Variants in UFD1 observed in about 807,000 individuals in gnomAD.
UFD1 encodes the protein ubiquitin recognition factor in ER associated degradation 1, also known as ubiquitin recognition factor in ER-associated degradation protein 1.
UFD1 carries 13 observed loss-of-function variants against 45.9 expected under a neutral mutation model. The ratio of observed to expected loss-of-function variants is 0.28; its 90% CI spans 0.18 to 0.45. UFD1 has a LOEUF of 0.45. Among genes scored for constraint, UFD1 ranks in the 20% least tolerant of loss-of-function variants. The pLI is 1.00. For missense variants in UFD1, 218 were observed against 389.2 expected (o/e 0.56, Z 3.70); for synonymous variants, 128 against 139.2 (o/e 0.92, Z 0.56).
chr22:19,457,250 C>T (rs2089729997), intron 7 of UFD1, among the ~76,000 whole-genome samples: 1 of 152,156 alleles, frequency 6.6e-6, no homozygotes, highest in South Asian at 2.1e-4. Context: ...AGAACAGTTT[C>T]ACCACCACTA....
At chr22:19,467,797 T>A in intron 5 of UFD1, 76 bp downstream of exon 5, 1 of 1,579,188 alleles carries the variant, frequency 6.3e-7, no homozygotes, top group Non-Finnish European at 8.6e-7. Flanking sequence ...ACAGATTCAA[T>A]ACAGTACATG....
chr22:19,465,228 C>T lies in UFD1; in HGVS notation c.469G>A (p.Val157Met). Residue 157 changes from valine to methionine, a missense_variant, in exon 6 of 12, where the codon GTG (valine) becomes ATG (methionine). This residue lies in a region of UFD1 where 149 missense variants were observed against 307.5 expected (regional missense o/e 0.48). Transcript: ENST00000263202. ...RNFACLTTGD[V>M]IAINYNEKIY... is the part of the protein sequence containing the mutation. Reference sequence around the variant, plus strand: ...TTTTCATTATAGTTGATGGCAATCACATCCCCGGTGGTCAGACAGGCAAAG... The same window carrying T: ...TTTTCATTATAGTTGATGGCAATCATATCCCCGGTGGTCAGACAGGCAAAG... 6.2e-7 allele frequency: 1 copy of T among 1,614,204 alleles called. No homozygotes were observed. The highest frequency in any genetic ancestry group is 8.5e-7 in the Non-Finnish European group (1 of 1,180,042).
At chr22:19,471,946 G>A in intron 3 of UFD1, 138 bp from the exon 4 acceptor site, 1 of 1,240,626 alleles carries the variant, frequency 8.1e-7, no homozygotes, top group Non-Finnish European at 1.1e-6. Context: ...CCCCCTCTGT[G>A]AGAGCACAGT....
intron 7 of UFD1, among the ~76,000 whole-genome samples, chr22:19,457,172 C>G: frequency 6.6e-6 from 1 of 152,246 alleles, no homozygotes; most frequent in African/African-American, 2.4e-5. Flanking sequence ...TGTTTTTGTT[C>G]ATGGGTATCT....
intron 7 of UFD1, among the ~76,000 whole-genome samples, chr22:19,457,748 T>C (rs1042302604): frequency 6.6e-6 from 1 of 151,568 alleles, no homozygotes; most frequent in Non-Finnish European, 1.5e-5. Flanking sequence ...GAGGTGGAGG[T>C]TGTAGTGAGC....
chr22:19,456,814 T>C, intron 8 of UFD1, 39 bp downstream of exon 8: 1 of 1,613,854 alleles, frequency 6.2e-7, no homozygotes, highest in South Asian at 1.1e-5. Flanking sequence ...AAAAGCAGCA[T>C]GCAGCAGGAC....
At chr22:19,475,676 A>C (rs1035152705) in intron 1 of UFD1, 74 bp from the exon 2 acceptor site, 1 of 1,513,962 alleles carries the variant, frequency 6.6e-7, no homozygotes, top group African/African-American at 1.4e-5. Context: ...AACATGTCAG[A>C]GTAATTAATG....
chr22:19,467,781 G>A, intron 5 of UFD1, 92 bp downstream of exon 5: 4 of 1,534,756 alleles, frequency 2.6e-6, no homozygotes, highest in Non-Finnish European at 3.5e-6. Context: ...GATCCCCAAA[G>A]CAGGCACAGA....
intron 1 of UFD1, 160 bp downstream of exon 1, chr22:19,478,923 G>A (rs1207156400): frequency 2.0e-6 from 2 of 981,066 alleles, no homozygotes; most frequent in African/African-American, 1.7e-5. Context: ...GTGGTCAAGG[G>A]TCCTGCTTGT....
chr22:19,459,755 T>TC (rs1491133183), intron 6 of UFD1, among the ~76,000 whole-genome samples: 1 of 120,002 alleles, frequency 8.3e-6, no homozygotes, highest in East Asian at 2.6e-4. Flanking sequence ...TTTTTTTTTT[T>TC]CGAGATGGAG....
chr22:19,470,447 GT>G (rs58791056), intron 4 of UFD1, among the ~76,000 whole-genome samples: 15 of 147,220 alleles, frequency 1.0e-4, no homozygotes, highest in Admixed American at 1.3e-4. Context: ...TATTATTGTT[GT>G]TTTTTTTTTT....
At chr22:19,451,586 T>G in intron 11 of UFD1, 2 of 985,436 alleles carry the variant, frequency 2.0e-6, no homozygotes, top group Non-Finnish European at 2.4e-6. Flanking sequence ...ATCTCAACTT[T>G]TCCCTAGGAA....
chr22:19,476,785 T>C (rs574792284), intron 1 of UFD1, among the ~76,000 whole-genome samples: 1 of 152,100 alleles, frequency 6.6e-6, no homozygotes, highest in Admixed American at 6.5e-5. Context: ...GGCAGGTGGA[T>C]TACCTGAGGT....
intron 4 of UFD1, chr22:19,470,774 AT>A: frequency 2.2e-6 from 1 of 464,952 alleles, no homozygotes; most frequent in Admixed American, 2.3e-5. Context: ...CTCAGAAAAT[AT>A]TAGTTAAGGC....
At chr22:19,478,913 G>A (rs1168037379) in intron 1 of UFD1, 170 bp downstream of exon 1, 4 of 855,080 alleles carry the variant, frequency 4.7e-6, no homozygotes, top group Non-Finnish European at 6.8e-6. Context: ...CAGGCGGTTA[G>A]TGGTCAAGGG....
chr22:19,478,103 C>T (rs1161730366), intron 1 of UFD1, among the ~76,000 whole-genome samples: 1 of 152,138 alleles, frequency 6.6e-6, no homozygotes, highest in Non-Finnish European at 1.5e-5. Context: ...CACAAAGGGG[C>T]AACATACTTA....
At chr22:19,456,681 C>G in intron 8 of UFD1, 47 bp from the exon 9 acceptor site, 5 of 1,614,104 alleles carry the variant, frequency 3.1e-6, no homozygotes, top group Non-Finnish European at 4.2e-6. Flanking sequence ...CGGGGACACC[C>G]AGCTTCCCTC....
chr22:19,464,088 AAAG>A (rs1230720192), intron 6 of UFD1, among the ~76,000 whole-genome samples: 1 of 152,244 alleles, frequency 6.6e-6, no homozygotes, highest in African/African-American at 2.4e-5. Flanking sequence ...TAAAAGGAAA[AAAG>A]AAAGTGTGAT....
In UFD1 at chr22:19,479,117, T is replaced by G. The variant is rs778773456; in HGVS notation, c.-32A>C. On this transcript the variant is annotated 5_prime_UTR_variant, in exon 1 of 12. Transcript: ENST00000263202. Reference sequence around the variant, plus strand: ...CACCACCTGGCAGACTCCGCTCCTCTCAGGCAATGCAACGAAGAAACCCCG... The same window carrying G: ...CACCACCTGGCAGACTCCGCTCCTCGCAGGCAATGCAACGAAGAAACCCCG... 1.9e-6 allele frequency: 3 copies of G among 1,609,180 alleles called. No individual in the cohort carries two copies. In the Admixed American group the frequency reaches 5.0e-5, roughly 27 times the overall value.
Sources: allele counts gnomAD v4.1 joint callset (sites outside exome capture counted in the v4.1 genomes callset), GRCh38; gene constraint gnomAD v4.1.1; regional missense constraint gnomAD v4.1.1; transcripts MANE v1.5; gene names NCBI Gene and HGNC (gene_info 2026-07-23, HGNC 2026-07-21).